The following PRPF6 variants were observed in gnomAD, a reference collection of about 807,000 sequenced individuals.
PRPF6 encodes pre-mRNA processing factor 6.
PRPF6 carries 42 observed loss-of-function variants against 118.3 expected under a neutral mutation model. The observed-to-expected ratio is 0.35, with a 90% confidence interval of 0.28 to 0.46. The LOEUF (loss-of-function observed/expected upper bound fraction) is 0.46, where lower values mean the gene tolerates loss of function less well. Among genes scored for constraint, PRPF6 ranks in the 20% least tolerant of loss-of-function variants. The pLI is 1.00. For synonymous variants in PRPF6, 481 were observed against 485.1 expected (o/e 0.99, Z 0.11); for missense variants, 662 against 1,255.7 (o/e 0.53, Z 7.15).
chr20:64,006,060 G>A (rs2059188540), intron 9 of PRPF6, among the ~76,000 whole-genome samples: 1 of 152,156 alleles, frequency 6.6e-6, no homozygotes, highest in Admixed American at 6.5e-5. Flanking sequence ...ATCCCCAAAG[G>A]GTCTGACTTG....
At chr20:63,995,134 G>C in intron 5 of PRPF6, 42 bp downstream of exon 5, 2 of 1,612,928 alleles carry the variant, frequency 1.2e-6, no homozygotes, top group Non-Finnish European at 1.7e-6. Flanking sequence ...ATTTAGTCCT[G>C]TTAGATCAGT....
At chr20:64,023,156 C>T (rs1320992906) in intron 13 of PRPF6, among the ~76,000 whole-genome samples, 3 of 152,228 alleles carry the variant, frequency 2.0e-5, no homozygotes, top group East Asian at 1.9e-4. Flanking sequence ...TGAGGAGTGG[C>T]CTGGGTATAG....
At position 64,028,584 on chromosome 20, in the gene PRPF6, C is replaced by CTCCGGTAAGGGGGTGCCCT. The variant is rs1569226167; in HGVS notation, c.2431+15_2431+16insTCCGGTAAGGGGGTGCCCT. ...CCCCAACTCCGGTAAGGGGGTGCCC[C>CTCCGGTAAGGGGGTGCCCT]GACTCCGGTAAGGGGGTGCCCTGAC... is the stretch of plus-strand genomic sequence containing the variant. On this transcript the variant is annotated intron_variant, in intron 18 of 20. Coordinates refer to ENST00000266079, the MANE Select transcript of PRPF6 (RefSeq NM_012469.4). This position sits in a 1 kb window ranked among gnomAD's most constrained non-coding sequence, Gnocchi z 6.5. 6.8e-6 allele frequency: 11 copies of CTCCGGTAAGGGGGTGCCCT among 1,610,416 alleles called. No individual in the cohort carries two copies. In the East Asian group the frequency reaches 8.9e-5, roughly 13 times the overall value.
chr20:64,027,602 G>T lies in PRPF6; in HGVS notation c.2206-1G>T, dbSNP rs1216205781. The T allele has an allele frequency of 1.9e-6, 3 of 1,614,134 alleles. No homozygotes were observed. Among genetic ancestry groups the T allele is most frequent in the Non-Finnish European group, 2.5e-6 (3 of 1,180,028 alleles). On this transcript the variant is annotated splice_acceptor_variant, in intron 16 of 20. Coordinates refer to ENST00000266079, the MANE Select transcript of PRPF6 (RefSeq NM_012469.4). LOFTEE classifies it high-confidence loss of function. This position sits in a 1 kb window ranked among gnomAD's most constrained non-coding sequence, Gnocchi z 6.5. ...GCTGCTCTCTTACTTGTTGGTTGCA[G>T]TTGAAGAAGTGTCCCCACTCCACAC...
intron 12 of PRPF6, 106 bp downstream of exon 12, chr20:64,016,951 TTTTA>T: frequency 1.3e-6 from 2 of 1,510,200 alleles, no homozygotes; most frequent in Admixed American, 1.9e-5. Context: ...TTTTTTTTTT[TTTTA>T]AATCTGAGAC....
At position 64,026,351 on chromosome 20, in the gene PRPF6, AC is replaced by A. The variant is rs914102079; in HGVS notation, c.2028+294del. On this transcript the variant is annotated intron_variant, in intron 15 of 20. Coordinates refer to ENST00000266079, the MANE Select transcript of PRPF6 (RefSeq NM_012469.4). The surrounding 1 kb of genome is among the most constrained non-coding windows in gnomAD (Gnocchi z 4.4). ...GAGAAACCCCGTCTCTACTAAAAAT[AC>A]AAAATTAGCCGGGCGTGGTGGTGCG... 2.7e-5 allele frequency among the ~76,000 whole-genome samples: 4 copies of A among 147,128 alleles called. No individual in the cohort carries two copies. Among genetic ancestry groups the A allele is most frequent in the African/African-American group, 1.0e-4 (4 of 39,628 alleles).
chr20:64,025,557 CAG>C (rs1380121568), intron 14 of PRPF6, among the ~76,000 whole-genome samples: 1 of 152,220 alleles, frequency 6.6e-6, no homozygotes, highest in African/African-American at 2.4e-5. Context: ...TCATCAAGCT[CAG>C]GGGAAAGAGC....
Position 64,032,007 on chromosome 20 carries a change from CCTT to C in PRPF6, c.2642_2644del (p.Phe881del), listed in dbSNP as rs753329705. The C allele has an allele frequency of 2.5e-6, 4 of 1,614,138 alleles. No homozygotes were observed. The highest frequency in any genetic ancestry group is 2.2e-5 in the East Asian group (1 of 44,884). ...GACTCGGACCTGGGGGATGCCTGGG[CCTT>C]CTTCTACAAGTTTGAGCTGCAGCAT... On this transcript the variant is annotated inframe_deletion, in exon 20 of 21. Transcript: ENST00000266079.
At chr20:64,015,469 G>T (rs1569220798) in intron 11 of PRPF6, among the ~76,000 whole-genome samples, 1 of 152,208 alleles carries the variant, frequency 6.6e-6, no homozygotes, top group East Asian at 1.9e-4. Flanking sequence ...GAGGCATGTG[G>T]CTCCGGTTGC....
intron 19 of PRPF6, among the ~76,000 whole-genome samples, chr20:64,030,528 G>A (rs773602273): frequency 9.2e-5 from 14 of 152,266 alleles, no homozygotes; most frequent in African/African-American, 1.7e-4. Context: ...TCCCCTGCCC[G>A]CAGGCCCCCG....
At position 64,010,274 on chromosome 20, in the gene PRPF6, A is replaced by G. The variant is rs775905523; in HGVS notation, c.1261A>G (p.Ile421Val). Residue 421 changes from isoleucine to valine, a missense_variant, in exon 10 of 21, where the codon ATC becomes GTC. This residue lies in a region of PRPF6 where 189 missense variants were observed against 323.5 expected (regional missense o/e 0.58). Transcript: ENST00000266079. ...VELEEPEDAR[I>V]MLSRAVECCP... is the part of the protein sequence containing the mutation. ...GCTGGAAGAACCTGAAGATGCTAGA[A>G]TCATGCTGAGCCGAGCTGTGGAGTG... 2 of 1,614,112 alleles carry G rather than the reference A, an allele frequency of 1.2e-6. No homozygotes were observed. The highest frequency in any genetic ancestry group is 1.1e-5 in the South Asian group (1 of 91,090).
chr20:64,016,966 G>T (rs1344870769), intron 12 of PRPF6, 121 bp downstream of exon 12: 2 of 1,367,834 alleles, frequency 1.5e-6, no homozygotes, highest in African/African-American at 2.9e-5. Context: ...AATCTGAGAC[G>T]GGGTCTTGCT....
intron 12 of PRPF6, among the ~76,000 whole-genome samples, chr20:64,022,175 TC>T (rs2059269857): frequency 6.6e-6 from 1 of 152,254 alleles, no homozygotes; most frequent in African/African-American, 2.4e-5. Flanking sequence ...CTTGTCCTCA[TC>T]CTCAGGCTTG....
chr20:64,021,990 G>C (rs1351415778), intron 12 of PRPF6, among the ~76,000 whole-genome samples: 2 of 117,542 alleles, frequency 1.7e-5, no homozygotes, highest in Non-Finnish European at 3.3e-5. Flanking sequence ...CCACAGCCCT[G>C]TGTGTGTGTG....
chr20:63,983,409 CAGAAG>C (rs2059079764), intron 2 of PRPF6, among the ~76,000 whole-genome samples, 194 bp downstream of exon 2: 1 of 151,650 alleles, frequency 6.6e-6, no homozygotes, highest in African/African-American at 2.4e-5. Flanking sequence ...TTTTGTCCCT[CAGAAG>C]AGATGTTCTT....
chr20:64,011,385 C>A lies in PRPF6; in HGVS notation c.1406C>A (p.Thr469Lys), dbSNP rs757991297. The change falls in exon 11 of 21, where the codon ACG becomes AAG. Residue 469 changes from threonine to lysine, a missense_variant. Physicochemically the swap from Thr to Lys is moderately conservative, Grantham distance 78 (BLOSUM62 -1). Around this residue, in one of 10 missense-constraint regions of PRPF6, gnomAD observed 189 missense variants for 323.5 expected, o/e 0.58. Coordinates refer to ENST00000266079, the MANE Select transcript of PRPF6 (RefSeq NM_012469.4). This position sits in a 1 kb window ranked among gnomAD's most constrained non-coding sequence, Gnocchi z 6.7. ...CCTACAGACCGACATATCTGGATCA[C>A]GGCTGCTAAGCTGGAGGAAGCCAAT... ...NIPTDRHIWITAAKLEEANGN... is the reference protein window; with the variant it reads ...NIPTDRHIWIKAAKLEEANGN... The A allele has an allele frequency of 6.2e-7, 1 of 1,614,214 alleles. No homozygotes were observed. The highest frequency in any genetic ancestry group is 2.2e-5 in the East Asian group (1 of 44,890).
intron 12 of PRPF6, among the ~76,000 whole-genome samples, chr20:64,017,158 G>A (rs567605355): frequency 8.5e-5 from 13 of 152,334 alleles, no homozygotes; most frequent in African/African-American, 3.1e-4. Flanking sequence ...TAGCCAGGAT[G>A]GTCTTAATCT....
At chr20:64,023,110 A>G (rs1361163731) in intron 13 of PRPF6, among the ~76,000 whole-genome samples, 1 of 152,134 alleles carries the variant, frequency 6.6e-6, no homozygotes, top group Non-Finnish European at 1.5e-5. Context: ...GAAACAAGGA[A>G]CCCCGGGGGC....
intron 7 of PRPF6, 109 bp from the exon 8 acceptor site, chr20:63,999,494 A>T: frequency 7.0e-7 from 1 of 1,432,126 alleles, no homozygotes; most frequent in African/African-American, 1.4e-5. Flanking sequence ...TCAGGACATC[A>T]GGACTGATAG....
Sources: allele counts gnomAD v4.1 joint callset (sites outside exome capture counted in the v4.1 genomes callset), GRCh38; gene constraint gnomAD v4.1.1; regional missense constraint gnomAD v4.1.1; non-coding constraint Gnocchi (gnomAD v3.1); transcripts MANE v1.5; gene names NCBI Gene and HGNC (gene_info 2026-07-23, HGNC 2026-07-21).